PCLO: variants seen among roughly 807,000 people sequenced by gnomAD.
PCLO encodes piccolo presynaptic cytomatrix protein.
In PCLO, 82 loss-of-function variants were observed where a neutral mutation model predicts 427.5. That is an observed-to-expected ratio of 0.19 (90% CI 0.16 to 0.23). The LOEUF (loss-of-function observed/expected upper bound fraction) is 0.23, where lower values mean the gene tolerates loss of function less well. Ranked by LOEUF, PCLO falls within the 10% of genes least tolerant of loss-of-function variation. The pLI is 1.00. For missense variants in PCLO, 6,239 were observed against 6,115.9 expected, an observed-to-expected ratio of 1.02 and a Z score of -0.67; for synonymous variants, 2,357 against 2,155.4, an observed-to-expected ratio of 1.09 and a Z score of -2.59.
At chr7:83,140,227 C>T (rs1298943053) in intron 2 of PCLO, among the ~76,000 whole-genome samples, 1 of 152,152 alleles carries the variant, frequency 6.6e-6, no homozygotes, top group Non-Finnish European at 1.5e-5. Flanking sequence ...GTGAAATGTT[C>T]TCTCACATTT....
Position 83,135,491 on chromosome 7 carries a change from C to T in PCLO, c.2059G>A (p.Asp687Asn), listed in dbSNP as rs1048932210. ...GAGAGATCCTGTTTTGGTGCAGCAT[C>T]CTTCTTTGGGGAAGTCTGCTGTGGC... ...PQPQQTSPKKDAAPKQDLSKA... is the reference protein window; with the variant it reads ...PQPQQTSPKKNAAPKQDLSKA... The change falls in exon 3 of 25, where the codon GAT becomes AAT. Residue 687 changes from aspartate (D) to asparagine (N), a missense_variant. Physicochemically the swap from Asp to Asn is conservative, Grantham distance 23. Coordinates refer to ENST00000333891, the MANE Select transcript of PCLO (RefSeq NM_033026.6). The T allele has an allele frequency of 1.9e-6, 3 of 1,613,548 alleles. No individual in the cohort carries two copies. The highest frequency in any genetic ancestry group is 2.7e-5 in the African/African-American group (2 of 74,812).
chr7:82,913,197 C>T (rs115882297), intron 7 of PCLO, among the ~76,000 whole-genome samples: 2,346 of 151,860 alleles, frequency 0.015, 71 homozygotes, highest in African/African-American at 0.053. Flanking sequence ...CCTGTAGAGA[C>T]GAAAACAAAT....
At chr7:83,027,312 A>T (rs1041000086) in intron 3 of PCLO, among the ~76,000 whole-genome samples, 46 of 151,736 alleles carry the variant, frequency 3.0e-4, no homozygotes, top group African/African-American at 1.0e-3. Context: ...CTACCATCAG[A>T]GAATACTACA....
At position 82,949,760 on chromosome 7, in the gene PCLO, C is replaced by G; in HGVS notation, c.10828G>C (p.Val3610Leu). ...YSSHLRADST[V>L]QLAPSPPKSP... ...TTGGGTGGGGAAGGAGCCAGCTGTA[C>G]TGTGGAATCTGCCCGGAGGTGAGAT... Residue 3610 changes from valine (V) to leucine (L), a missense_variant, in exon 6 of 25, where the codon GTA becomes CTA. This residue lies in a region of PCLO where 4,677 missense variants were observed against 4,468.4 expected (regional missense o/e 1.05). Coordinates refer to ENST00000333891, the MANE Select transcript of PCLO (RefSeq NM_033026.6). 1 of 1,613,784 alleles carries G rather than the reference C, an allele frequency of 6.2e-7. No homozygotes were observed. Among genetic ancestry groups the G allele is most frequent in the Non-Finnish European group, 8.5e-7 (1 of 1,179,846 alleles).
intron 9 of PCLO, among the ~76,000 whole-genome samples, chr7:82,880,987 TTA>T (rs947335392): frequency 6.6e-6 from 1 of 152,172 alleles, no homozygotes; most frequent in African/African-American, 2.4e-5. Context: ...TTGAATATCT[TTA>T]AAAATAGTTT....
At chr7:83,002,638 A>C (rs1787851858) in intron 3 of PCLO, among the ~76,000 whole-genome samples, 1 of 151,852 alleles carries the variant, frequency 6.6e-6, no homozygotes, top group Non-Finnish European at 1.5e-5. Flanking sequence ...TAAAGCATTA[A>C]AATGCAACAA....
At chr7:82,832,876 C>A (rs1196511499) in intron 16 of PCLO, among the ~76,000 whole-genome samples, 1 of 151,158 alleles carries the variant, frequency 6.6e-6, no homozygotes, top group Non-Finnish European at 1.5e-5. Context: ...GAGGTTATTT[C>A]TCTTAATTTA....
intron 22 of PCLO, among the ~76,000 whole-genome samples, chr7:82,775,853 T>C (rs1265375906): frequency 6.6e-6 from 1 of 152,242 alleles, no homozygotes; most frequent in Non-Finnish European, 1.5e-5. Flanking sequence ...AAGTCTATAA[T>C]TCATTTTATG....
intron 9 of PCLO, among the ~76,000 whole-genome samples, chr7:82,893,225 A>G (rs1385313720): frequency 1.3e-5 from 2 of 152,062 alleles, no homozygotes; most frequent in South Asian, 2.1e-4. Context: ...CATATACACC[A>G]TGGAATACTA....
intron 10 of PCLO, among the ~76,000 whole-genome samples, chr7:82,848,690 T>C (rs1792571367): frequency 6.6e-6 from 1 of 152,134 alleles, no homozygotes; most frequent in African/African-American, 2.4e-5. Context: ...CAATGGGAAA[T>C]TCTAAACATG....
rs553931255 is a variant in PCLO, at chr7:82,903,336, T to A, written c.13438-595A>T. On this transcript the variant is annotated intron_variant, in intron 8 of 24. Coordinates refer to ENST00000333891, the MANE Select transcript of PCLO (RefSeq NM_033026.6). The stretch of plus-strand genomic sequence containing the variant: ...ATTCTATATAAATAAATAAAGATTT[T>A]GTTCACTTTAATACTTTTTAAAATT... Among the ~76,000 whole-genome samples the A allele has an allele frequency of 7.0e-4, 107 of 152,126 alleles. 3 individuals carry two copies. The South Asian group carries it at 0.022, about 31-fold the overall frequency.
intron 6 of PCLO, among the ~76,000 whole-genome samples, chr7:82,942,892 C>A (rs143737133): frequency 6.6e-6 from 1 of 151,906 alleles, no homozygotes; most frequent in Non-Finnish European, 1.5e-5. Context: ...TACATAAATA[C>A]CACCATTATA....
At chr7:82,767,910 T>C (rs907815755) in intron 22 of PCLO, among the ~76,000 whole-genome samples, 2 of 151,634 alleles carry the variant, frequency 1.3e-5, no homozygotes, top group African/African-American at 4.8e-5. Flanking sequence ...AAATTCATTC[T>C]GAAATATATA....
chr7:82,946,343 T>C (rs1795201625), intron 6 of PCLO, among the ~76,000 whole-genome samples: 1 of 152,120 alleles, frequency 6.6e-6, no homozygotes, highest in Non-Finnish European at 1.5e-5. Context: ...TTTAGGACTA[T>C]AGTGGCAAGA....
Position 82,846,567 on chromosome 7 carries a change from C to T in PCLO, c.13831G>A (p.Val4611Met). The T allele has an allele frequency of 6.3e-7, 1 of 1,598,434 alleles. No homozygotes were observed. The highest frequency in any genetic ancestry group is 1.1e-5 in the South Asian group (1 of 89,766). Reference protein sequence around the residue: ...HLELHEPPKAVDKAKSPGVDP... With the variant: ...HLELHEPPKAMDKAKSPGVDP... ...TTGAAACTAGATTTCTTTTACCTAC[C>T]AGCTTTTGGTGGCTCATGAAGTTCC... is the stretch of plus-strand genomic sequence containing the variant. The change falls in exon 12 of 25, where the codon GTG (valine) becomes ATG (methionine). Residue 4611 changes from valine (V) to methionine (M), a missense_variant and splice_region_variant. Physicochemically the swap from Val to Met is conservative, Grantham distance 21. Around this residue, in one of 5 missense-constraint regions of PCLO, gnomAD observed 877 missense variants for 925.5 expected, o/e 0.95. Coordinates refer to ENST00000333891, the MANE Select transcript of PCLO (RefSeq NM_033026.6).
chr7:83,005,546 TAA>T (rs1005788869), intron 3 of PCLO, among the ~76,000 whole-genome samples: 2 of 151,542 alleles, frequency 1.3e-5, no homozygotes, highest in Non-Finnish European at 3.0e-5. Flanking sequence ...TTGAGTTTTC[TAA>T]GAGAGTAAAT....
Position 82,953,905 on chromosome 7 carries a change from G to A in PCLO, c.7048C>T (p.Leu2350Phe). The A allele has an allele frequency of 6.2e-7, 1 of 1,613,898 alleles. No homozygotes were observed. The highest frequency in any genetic ancestry group is 1.1e-5 in the South Asian group (1 of 91,078). Reference protein sequence around the residue: ...FDHPPSSVIALPMKEQLSTTY... With the variant: ...FDHPPSSVIAFPMKEQLSTTY... ...GTTGAAAGCTGCTCTTTCATTGGAA[G>A]GGCTATTACAGAAGAAGGTGGGTGA... is the stretch of plus-strand genomic sequence containing the variant. Residue 2350 changes from leucine to phenylalanine, a missense_variant, in exon 5 of 25, where the codon CTT (leucine) becomes TTT (phenylalanine). This residue lies in a region of PCLO where 4,677 missense variants were observed against 4,468.4 expected (regional missense o/e 1.05). Coordinates refer to ENST00000333891, the MANE Select transcript of PCLO (RefSeq NM_033026.6).
chr7:83,019,232 T>C (rs932964616), intron 3 of PCLO, among the ~76,000 whole-genome samples: 1 of 152,002 alleles, frequency 6.6e-6, no homozygotes, highest in African/African-American at 2.4e-5. Context: ...TGCTTGTAAA[T>C]AGTGTAGCTA....
chr7:82,802,149 G>A (rs1791367156), intron 21 of PCLO, among the ~76,000 whole-genome samples: 1 of 151,088 alleles, frequency 6.6e-6, no homozygotes, highest in Admixed American at 6.6e-5. Flanking sequence ...CTTGGTCTCT[G>A]TTTCTGGCTT....
Sources: allele counts gnomAD v4.1 joint callset (sites outside exome capture counted in the v4.1 genomes callset), GRCh38; gene constraint gnomAD v4.1.1; regional missense constraint gnomAD v4.1.1; transcripts MANE v1.5; gene names NCBI Gene and HGNC (gene_info 2026-07-23, HGNC 2026-07-21).